UBAP1L: variants seen among roughly 807,000 people sequenced by gnomAD.
The protein encoded by UBAP1L is ubiquitin-associated protein 1-like.
A neutral mutation model predicts 32.1 loss-of-function variants in UBAP1L; 32 were observed. The ratio of observed to expected loss-of-function variants is 1.00; its 90% CI spans 0.75 to 1.34. The LOEUF is 1.34. Ranked by LOEUF, UBAP1L falls within the 40% of genes most tolerant of loss-of-function variation. UBAP1L has a pLI of 0.00. For missense variants in UBAP1L, 516 were observed against 540.5 expected (o/e 0.95, Z 0.45); for synonymous variants, 243 against 250.2 (o/e 0.97, Z 0.27).
intron 1 of UBAP1L, among the ~76,000 whole-genome samples, chr15:65,110,684 CAAAAA>C (rs71136313): frequency 1.3e-4 from 8 of 63,102 alleles, no homozygotes; most frequent in Non-Finnish European, 2.3e-4. Context: ...GACTCTGTCT[CAAAAA>C]AAAAAAAAAA....
intron 1 of UBAP1L, among the ~76,000 whole-genome samples, chr15:65,111,000 T>C (rs2087366421): frequency 6.6e-6 from 1 of 152,298 alleles, no homozygotes; most frequent in Admixed American, 6.5e-5. Flanking sequence ...TGAAGGCAGG[T>C]AGGCAAATCC....
intron 1 of UBAP1L, among the ~76,000 whole-genome samples, chr15:65,109,493 A>AC (rs1260616556): frequency 1.3e-5 from 2 of 150,784 alleles, no homozygotes; most frequent in Non-Finnish European, 3.0e-5. Flanking sequence ...AAAAAAAAAA[A>AC]AAAAAAAAAA....
intron 1 of UBAP1L, among the ~76,000 whole-genome samples, chr15:65,107,409 T>C (rs2087326558): frequency 6.7e-6 from 1 of 150,138 alleles, no homozygotes; most frequent in Non-Finnish European, 1.5e-5. Context: ...ATCATGTAAA[T>C]GGACTCTTCT....
At chr15:65,108,283 A>G (rs76294630) in intron 1 of UBAP1L, among the ~76,000 whole-genome samples, 10 of 146,344 alleles carry the variant, frequency 6.8e-5, no homozygotes, top group Non-Finnish European at 1.1e-4. Flanking sequence ...CCATCTGGGG[A>G]AAAAAAAAAA....
chr15:65,109,546 A>G (rs957953883), intron 1 of UBAP1L, among the ~76,000 whole-genome samples: 2 of 152,020 alleles, frequency 1.3e-5, no homozygotes, highest in Non-Finnish European at 2.9e-5. Context: ...AGTTAAAACA[A>G]AAACAAAAAC....
Position 65,106,274 on chromosome 15 carries a change from G to A in UBAP1L, c.-59C>T. On this transcript the variant is annotated 5_prime_UTR_variant, in exon 2 of 6. Transcript: ENST00000559089. ...GGGGCAGGCTGCTTGATGGCAGGGA[G>A]AGAGAGTCGAGTCCTGAGGACCAGG... 1.1e-5 allele frequency: 17 copies of A among 1,498,170 alleles called. No individual in the cohort carries two copies. Among genetic ancestry groups the A allele is most frequent in the Non-Finnish European group, 1.5e-5 (17 of 1,124,190 alleles). 92.8% of individuals were successfully genotyped at this position (1,498,170 alleles called of 1,614,324 possible). A position where few individuals can be genotyped will look rare whatever the true frequency, so the allele number is the denominator to read the frequency against.
intron 3 of UBAP1L, 24 bp from the exon 4 acceptor site, chr15:65,099,738 T>C (rs752496139): frequency 2.0e-6 from 3 of 1,528,478 alleles, no homozygotes; most frequent in Non-Finnish European, 2.7e-6. Context: ...AGACTGGACA[T>C]GTCAGTTACT....
At chr15:65,096,556 G>GGGCCTGCAGGACTGTAGAAGCTATCA (rs2087176037) in intron 4 of UBAP1L, 1 of 152,260 alleles carries the variant, frequency 6.6e-6, no homozygotes, top group African/African-American at 2.4e-5. Context: ...GTTAGCTTTT[G>GGGCCTGCAGGACTGTAGAAGCTATCA]GGCCTGCAGG....
At chr15:65,110,353 G>C (rs1312858775) in intron 1 of UBAP1L, among the ~76,000 whole-genome samples, 1 of 148,254 alleles carries the variant, frequency 6.7e-6, no homozygotes, top group African/African-American at 2.5e-5. Context: ...GTGAGACTCT[G>C]TCTCCAAAAA....
chr15:65,093,358 A>C, intron 5 of UBAP1L, 127 bp from the exon 6 acceptor site: 1 of 1,224,628 alleles, frequency 8.2e-7, no homozygotes, highest in East Asian at 2.7e-5. Flanking sequence ...AGGCCACGTG[A>C]GCCTGATCCT....
chr15:65,111,332 G>C (rs188397764), intron 1 of UBAP1L, among the ~76,000 whole-genome samples: 232 of 152,278 alleles, frequency 1.5e-3, no homozygotes, highest in Admixed American at 2.3e-3. Flanking sequence ...TATCTCCAAG[G>C]AAGGGACACA....
chr15:65,100,576 A>G (rs2087229483), intron 3 of UBAP1L: 1 of 152,172 alleles, frequency 6.6e-6, no homozygotes, highest in Non-Finnish European at 1.5e-5. Flanking sequence ...AGGCATTTCC[A>G]TTGGTTTGGC....
rs1190550792 is a variant in UBAP1L at position 65,105,514 on chromosome 15, G to T, written c.120+582C>A. 2.5e-5 allele frequency: 12 copies of T among 474,004 alleles called. No individual in the cohort carries two copies. The East Asian group carries it at 5.3e-4, about 21-fold the overall frequency. 29.4% of individuals were successfully genotyped at this position (474,004 alleles called of 1,614,324 possible). ...ACAAAAACAGCTCTTTCCCTAAGTGGCCTGAGGTAATCTGTGAAAATGGTT... is the reference window on the plus strand; with the variant it reads ...ACAAAAACAGCTCTTTCCCTAAGTGTCCTGAGGTAATCTGTGAAAATGGTT... On this transcript the variant is annotated intron_variant, in intron 2 of 5. Transcript: ENST00000559089.
intron 4 of UBAP1L, chr15:65,097,899 A>G (rs1247821572): frequency 6.6e-6 from 1 of 152,196 alleles, no homozygotes; most frequent in African/African-American, 2.4e-5. Flanking sequence ...GGGACCCAAC[A>G]TTCAGTACTC....
Position 65,093,174 on chromosome 15 carries a change from G to A in UBAP1L, c.1069C>T (p.Arg357Trp), listed in dbSNP as rs543813172. ...TGGACCAGCAGCACCTCCTTGATCC[G>A]GTCCTGCTGGAAGCCCATGTCACTG... ...QFSDMGFQQDRIKEVLLVHGN... is the reference protein window; with the variant it reads ...QFSDMGFQQDWIKEVLLVHGN... The change falls in exon 6 of 6, where the codon CGG (arginine) becomes TGG (tryptophan). Residue 357 changes from arginine (R) to tryptophan (W), a missense_variant. Coordinates refer to ENST00000559089, the MANE Select transcript of UBAP1L (RefSeq NM_001163692.2). 3.2e-4 allele frequency: 502 copies of A among 1,550,026 alleles called. No homozygotes were observed. The highest frequency in any genetic ancestry group is 4.1e-4 in the Non-Finnish European group (472 of 1,146,742).
intron 4 of UBAP1L, chr15:65,099,167 A>ATT: frequency 3.5e-6 from 1 of 285,430 alleles, no homozygotes; most frequent in Non-Finnish European, 6.8e-6. Flanking sequence ...TGTTCCATCC[A>ATT]CACACCCTTT....
At chr15:65,108,509 C>A (rs2087342055) in intron 1 of UBAP1L, among the ~76,000 whole-genome samples, 5 of 152,130 alleles carry the variant, frequency 3.3e-5, no homozygotes, top group African/African-American at 2.4e-5. Flanking sequence ...CTTTGAGAGG[C>A]CCAGGCAGGA....
chr15:65,106,161 T>C lies in UBAP1L; in HGVS notation c.55A>G (p.Thr19Ala). ...AGTTCTGGCCCAGGGAGAGGCTCTGTGCCTATCACAAAGCCCTTGGGCAAC... is the reference window on the plus strand; with the variant it reads ...AGTTCTGGCCCAGGGAGAGGCTCTGCGCCTATCACAAAGCCCTTGGGCAAC... ...FKLPKGFVIG[T>A]EPLPGPELSV... The change falls in exon 2 of 6, where the codon ACA becomes GCA. Residue 19 changes from threonine to alanine, a missense_variant. Transcript: ENST00000559089. 6.4e-7 allele frequency: 1 copy of C among 1,550,456 alleles called. No homozygotes were observed. Among genetic ancestry groups the C allele is most frequent in the Non-Finnish European group, 8.7e-7 (1 of 1,146,660 alleles).
chr15:65,106,011 G>T lies in UBAP1L; in HGVS notation c.120+85C>A, dbSNP rs970867017. The T allele has an allele frequency of 2.6e-6, 4 of 1,514,424 alleles. No homozygotes were observed. In the African/African-American group the frequency reaches 5.6e-5, roughly 21 times the overall value. The allele number at this position is 1,514,424 out of a possible 1,614,324, so 93.8% of individuals were successfully genotyped here. ...TTCACCATGTTGGCCAGGGCTAGCTGTCCTTTAAATTCAAGGAACAAGGCC... is the reference window on the plus strand; with the variant it reads ...TTCACCATGTTGGCCAGGGCTAGCTTTCCTTTAAATTCAAGGAACAAGGCC... On this transcript the variant is annotated intron_variant, in intron 2 of 5. Transcript: ENST00000559089.
Sources: gnomAD v4.1 joint callset for allele counts (sites outside exome capture counted in the v4.1 genomes callset) on GRCh38, gnomAD v4.1.1 for gene constraint, MANE v1.5 for transcripts, NCBI Gene and HGNC (gene_info 2026-07-23, HGNC 2026-07-21) for gene names.